Variants in LRMDA observed in about 807,000 individuals in gnomAD.
LRMDA encodes leucine-rich melanocyte differentiation-associated protein.
LRMDA carries 18 observed loss-of-function variants against 29.8 expected under a neutral mutation model. The ratio of observed to expected loss-of-function variants is 0.60; its 90% CI spans 0.42 to 0.90. The LOEUF is 0.90. Ranked by LOEUF, LRMDA falls within the 40% of genes least tolerant of loss-of-function variation. LRMDA has a pLI of 0.00. For missense variants in LRMDA, 273 were observed against 273.9 expected (o/e 1.00, Z 0.02); for synonymous variants, 125 against 109.4 (o/e 1.14, Z -0.89).
intron 2 of LRMDA, among the ~76,000 whole-genome samples, chr10:75,963,174 C>G (rs980822089): frequency 6.6e-6 from 1 of 152,154 alleles, no homozygotes; most frequent in Non-Finnish European, 1.5e-5. Flanking sequence ...ATGACAGGAA[C>G]CAAAGTTTAC....
At position 76,003,251 on chromosome 10, in the gene LRMDA, T is replaced by C. The variant is rs981249429; in HGVS notation, c.132-32757T>C. ...TTAGACGGGATTGGTGGGTGGAAAA[T>C]CAGAGGCCATGAGTAGTCTCCCAAA... On this transcript the variant is annotated intron_variant, in intron 2 of 6. Transcript: ENST00000611255. Among the ~76,000 whole-genome samples, 16 of 152,174 alleles carry C rather than the reference T, an allele frequency of 1.1e-4. 1 individual carries two copies. The highest frequency in any genetic ancestry group is 1.0e-3 in the Admixed American group (16 of 15,292).
At chr10:75,705,466 C>T (rs1842355324) in intron 2 of LRMDA, among the ~76,000 whole-genome samples, 1 of 152,150 alleles carries the variant, frequency 6.6e-6, no homozygotes, top group Non-Finnish European at 1.5e-5. Flanking sequence ...GTCTTTGGAA[C>T]ATTAAATGGG....
intron 5 of LRMDA, among the ~76,000 whole-genome samples, chr10:76,133,224 T>C (rs972494558): frequency 6.6e-6 from 1 of 152,088 alleles, no homozygotes. Flanking sequence ...TGTTACTTAA[T>C]CTCATTTCAT....
chr10:75,519,969 T>C (rs2132036737), intron 2 of LRMDA, among the ~76,000 whole-genome samples: 1 of 152,362 alleles, frequency 6.6e-6, no homozygotes, highest in Non-Finnish European at 1.5e-5. Context: ...AAATTCTGGG[T>C]TGAAAATTCT....
chr10:76,441,847 G>A (rs537052226), intron 6 of LRMDA, among the ~76,000 whole-genome samples: 115 of 152,104 alleles, frequency 7.6e-4, no homozygotes, highest in Non-Finnish European at 1.5e-3. Flanking sequence ...AAGTATGACT[G>A]CCTCTCCTAG....
chr10:76,523,690 G>A (rs371033672), intron 6 of LRMDA, among the ~76,000 whole-genome samples: 9 of 152,240 alleles, frequency 5.9e-5, no homozygotes, highest in Admixed American at 2.6e-4. Context: ...ATTTTAATCC[G>A]GCTGAAATAA....
At chr10:76,136,503 T>G (rs539480140) in intron 5 of LRMDA, among the ~76,000 whole-genome samples, 18 of 152,304 alleles carry the variant, frequency 1.2e-4, no homozygotes, top group African/African-American at 4.3e-4. Flanking sequence ...TTCAATATTA[T>G]GAGTAAACTA....
intron 5 of LRMDA, among the ~76,000 whole-genome samples, chr10:76,207,560 A>T (rs1851560133): frequency 1.3e-5 from 2 of 152,226 alleles, no homozygotes; most frequent in Admixed American, 6.5e-5. Context: ...TGACTTCTGC[A>T]CATAGTCATG....
chr10:76,226,084 C>T (rs1258481708), intron 5 of LRMDA, among the ~76,000 whole-genome samples: 1 of 151,906 alleles, frequency 6.6e-6, no homozygotes, highest in East Asian at 1.9e-4. Flanking sequence ...GCATAGTATT[C>T]CATGGTGTAT....
chr10:75,833,256 G>A (rs935821228), intron 2 of LRMDA, among the ~76,000 whole-genome samples: 1 of 152,204 alleles, frequency 6.6e-6, no homozygotes, highest in Non-Finnish European at 1.5e-5. Flanking sequence ...ACAAGAGAAA[G>A]AAGGGTTTTG....
chr10:76,371,925 G>A (rs76459186), intron 6 of LRMDA, among the ~76,000 whole-genome samples: 116 of 152,148 alleles, frequency 7.6e-4, no homozygotes, highest in African/African-American at 2.7e-3. Context: ...AATCATCTAG[G>A]GACTTCTCTC....
At chr10:76,461,271 C>T (rs1564547993) in intron 6 of LRMDA, among the ~76,000 whole-genome samples, 1 of 152,146 alleles carries the variant, frequency 6.6e-6, no homozygotes, top group East Asian at 1.9e-4. Context: ...CCATCAAGAA[C>T]CAAAGTCCTG....
At chr10:76,165,060 C>A (rs1019718989) in intron 5 of LRMDA, among the ~76,000 whole-genome samples, 1 of 152,240 alleles carries the variant, frequency 6.6e-6, no homozygotes, top group African/African-American at 2.4e-5. Context: ...GCAAACTCTG[C>A]CTCCCAGGTT....
intron 2 of LRMDA, among the ~76,000 whole-genome samples, chr10:75,995,207 A>G (rs1847439952): frequency 6.6e-6 from 1 of 152,142 alleles, no homozygotes; most frequent in Non-Finnish European, 1.5e-5. Flanking sequence ...AGCAAGAAGG[A>G]ACTAGTAGGC....
intron 2 of LRMDA, among the ~76,000 whole-genome samples, chr10:75,974,507 G>T (rs1016421183): frequency 4.6e-5 from 7 of 152,118 alleles, no homozygotes; most frequent in African/African-American, 1.7e-4. Flanking sequence ...AACTCATAGG[G>T]TTGCTGTTAT....
chr10:76,417,290 G>A (rs1474128340), intron 6 of LRMDA, among the ~76,000 whole-genome samples: 1 of 152,112 alleles, frequency 6.6e-6, no homozygotes. Flanking sequence ...TCTTTCAAGT[G>A]CTCCTTAATC....
At chr10:76,389,194 C>G (rs937325673) in intron 6 of LRMDA, among the ~76,000 whole-genome samples, 1 of 152,116 alleles carries the variant, frequency 6.6e-6, no homozygotes, top group Non-Finnish European at 1.5e-5. Flanking sequence ...GAAGGGAGAA[C>G]GGCATGTAGA....
intron 6 of LRMDA, among the ~76,000 whole-genome samples, chr10:76,442,469 C>T (rs1589189415): frequency 6.6e-6 from 1 of 152,288 alleles, no homozygotes; most frequent in Middle Eastern, 3.4e-3. Flanking sequence ...AGGCAGAAGA[C>T]TGCTTGAGCC....
In LRMDA at chr10:76,235,971, A is replaced by T. The variant is rs559553204; in HGVS notation, c.517-88430A>T. On this transcript the variant is annotated intron_variant, in intron 5 of 6. Transcript: ENST00000611255. Reference sequence around the variant, plus strand: ...AACCAGCTCGAAATATGCCAAAGAAATATAGTTTGGGGTGGTACATTCTGT... The same window carrying T: ...AACCAGCTCGAAATATGCCAAAGAATTATAGTTTGGGGTGGTACATTCTGT... Among the ~76,000 whole-genome samples the T allele has an allele frequency of 2.6e-5, 4 of 152,306 alleles. No individual in the cohort carries two copies. The East Asian group carries it at 7.7e-4, about 29-fold the overall frequency.
Sources: gnomAD v4.1 joint callset for allele counts (sites outside exome capture counted in the v4.1 genomes callset) on GRCh38, gnomAD v4.1.1 for gene constraint, MANE v1.5 for transcripts, NCBI Gene and HGNC (gene_info 2026-07-23, HGNC 2026-07-21) for gene names.